The following SNX9 variants were observed in gnomAD, a reference collection of about 807,000 sequenced individuals.
SNX9 encodes sorting nexin-9.
SNX9 carries 44 observed loss-of-function variants against 89.4 expected under a neutral mutation model. The ratio of observed to expected loss-of-function variants is 0.49; its 90% CI spans 0.39 to 0.63. The LOEUF (loss-of-function observed/expected upper bound fraction) is 0.63, where lower values mean the gene tolerates loss of function less well. SNX9 is among the 30% of genes least tolerant of loss of function. The pLI is 0.00. For missense variants in SNX9, 578 were observed against 736.1 expected (o/e 0.79, Z 2.49); for synonymous variants, 236 against 247.8 (o/e 0.95, Z 0.45).
intron 9 of SNX9, among the ~76,000 whole-genome samples, chr6:157,920,698 G>GAC (rs1783566250): frequency 6.6e-6 from 1 of 152,184 alleles, no homozygotes; most frequent in Non-Finnish European, 1.5e-5. Flanking sequence ...TGAGGGGTAG[G>GAC]GTTAGCTGAT....
intron 12 of SNX9, among the ~76,000 whole-genome samples, chr6:157,931,835 A>G (rs950039297): frequency 2.6e-5 from 4 of 152,210 alleles, no homozygotes; most frequent in African/African-American, 9.7e-5. Flanking sequence ...CAGCATGAGG[A>G]TGGTGTCTCT....
At chr6:157,860,548 G>A (rs770732775) in intron 1 of SNX9, among the ~76,000 whole-genome samples, 12 of 152,216 alleles carry the variant, frequency 7.9e-5, no homozygotes, top group Non-Finnish European at 1.2e-4. Flanking sequence ...CATGTGATAT[G>A]GCCAGTTGAT....
chr6:157,900,534 C>T (rs1361121031), intron 5 of SNX9, among the ~76,000 whole-genome samples: 4 of 152,214 alleles, frequency 2.6e-5, no homozygotes, highest in Non-Finnish European at 4.4e-5. Context: ...GGGTCACTGC[C>T]TTCTGGTCCT....
intron 1 of SNX9, among the ~76,000 whole-genome samples, chr6:157,866,145 T>C (rs1237662800): frequency 6.6e-6 from 1 of 152,220 alleles, no homozygotes; most frequent in Admixed American, 6.5e-5. Context: ...TGATTCTCTC[T>C]TGGGATACAT....
At chr6:157,940,760 C>CT (rs1460910492) in intron 16 of SNX9, 123 bp from the exon 17 acceptor site, 2 of 808,616 alleles carry the variant, frequency 2.5e-6, no homozygotes, top group Admixed American at 2.2e-5. Context: ...TTACCAAGAA[C>CT]TGACAACAGC....
chr6:157,870,410 GCT>G (rs1486016371), intron 2 of SNX9, among the ~76,000 whole-genome samples: 3 of 151,164 alleles, frequency 2.0e-5, no homozygotes, highest in African/African-American at 7.3e-5. Flanking sequence ...ACTGTCACCT[GCT>G]CTCACACACG....
intron 1 of SNX9, among the ~76,000 whole-genome samples, chr6:157,860,761 A>G (rs758518107): frequency 2.0e-5 from 3 of 152,230 alleles, no homozygotes; most frequent in Non-Finnish European, 2.9e-5. Flanking sequence ...CGAGTGAACT[A>G]CAGAGAGAGG....
At chr6:157,853,967 G>A (rs1365787776) in intron 1 of SNX9, among the ~76,000 whole-genome samples, 2 of 152,354 alleles carry the variant, frequency 1.3e-5, no homozygotes, top group African/African-American at 4.8e-5. Flanking sequence ...TGGTGAAACA[G>A]TGGTGTGAGG....
chr6:157,860,600 G>T lies in SNX9; in HGVS notation c.13-6947G>T, dbSNP rs184694686. Among the ~76,000 whole-genome samples the T allele has an allele frequency of 4.8e-4, 73 of 152,308 alleles. 1 individual carries two copies. In the East Asian group the frequency reaches 0.012, roughly 25 times the overall value. On this transcript the variant is annotated intron_variant, in intron 1 of 17. Coordinates refer to ENST00000392185, the MANE Select transcript of SNX9 (RefSeq NM_016224.5). ...ACTGTTAAGATATCTTTGTCTAATT[G>T]TTCTTGTGTGCACCGCATATAGAAG...
intron 4 of SNX9, among the ~76,000 whole-genome samples, chr6:157,876,873 T>C (rs1411493121): frequency 3.3e-5 from 5 of 152,346 alleles, no homozygotes; most frequent in African/African-American, 1.2e-4. Flanking sequence ...GCCACCTCAG[T>C]TGTGACAACC....
At chr6:157,828,573 A>G (rs1022854595) in intron 1 of SNX9, among the ~76,000 whole-genome samples, 2 of 152,108 alleles carry the variant, frequency 1.3e-5, no homozygotes, top group South Asian at 2.1e-4. Context: ...AGCTCACGGC[A>G]GTCTCGACTT....
At chr6:157,896,715 A>G (rs1266982832) in intron 4 of SNX9, 112 bp from the exon 5 acceptor site, 1 of 1,190,986 alleles carries the variant, frequency 8.4e-7, no homozygotes, top group Non-Finnish European at 1.2e-6. Context: ...ATACATTTCT[A>G]TTAATTGTTT....
At chr6:157,829,555 C>G (rs1781443663) in intron 1 of SNX9, 1 of 152,152 alleles carries the variant, frequency 6.6e-6, no homozygotes, top group South Asian at 2.1e-4. Context: ...TTGTGTTCCT[C>G]TATTTGATCT....
chr6:157,931,757 ATG>A (rs1327256187), intron 12 of SNX9, among the ~76,000 whole-genome samples: 1 of 152,234 alleles, frequency 6.6e-6, no homozygotes, highest in Non-Finnish European at 1.5e-5. Context: ...TCACAAGTCC[ATG>A]TCCAGCATTT....
chr6:157,937,340 A>C, intron 14 of SNX9, 94 bp from the exon 15 acceptor site: 1 of 824,768 alleles, frequency 1.2e-6, no homozygotes, highest in South Asian at 1.6e-5. Flanking sequence ...AGTGTAGCAC[A>C]TGCAGGATTT....
intron 1 of SNX9, among the ~76,000 whole-genome samples, chr6:157,861,343 C>G (rs913743794): frequency 6.6e-6 from 1 of 152,200 alleles, no homozygotes; most frequent in Admixed American, 6.5e-5. Flanking sequence ...AATTGACCCG[C>G]ATCCCCTTGG....
intron 10 of SNX9, among the ~76,000 whole-genome samples, chr6:157,922,612 A>C (rs1315554741): frequency 2.0e-5 from 3 of 152,224 alleles, no homozygotes; most frequent in Non-Finnish European, 2.9e-5. Context: ...AGGTGTATGC[A>C]TACACTTAAC....
chr6:157,941,026 G>A, intron 17 of SNX9, 52 bp downstream of exon 17: 2 of 1,454,388 alleles, frequency 1.4e-6, no homozygotes, highest in Non-Finnish European at 1.9e-6. Context: ...AGGGTTCCTG[G>A]TAAACCACTT....
intron 1 of SNX9, among the ~76,000 whole-genome samples, chr6:157,825,093 C>T (rs1444300614): frequency 6.6e-6 from 1 of 152,092 alleles, no homozygotes; most frequent in African/African-American, 2.4e-5. Context: ...ACTAAAAATA[C>T]AGAAATTAGC....
Sources: allele counts gnomAD v4.1 joint callset (sites outside exome capture counted in the v4.1 genomes callset), GRCh38; gene constraint gnomAD v4.1.1; transcripts MANE v1.5; gene names NCBI Gene and HGNC (gene_info 2026-07-23, HGNC 2026-07-21).